TMPO: variants seen among roughly 807,000 people sequenced by gnomAD.
TMPO encodes thymopoietin, also known as LEM domain containing 4.
TMPO carries 22 observed loss-of-function variants against 45.4 expected under a neutral mutation model. The ratio of observed to expected loss-of-function variants is 0.48; its 90% confidence interval spans 0.35 to 0.69. The LOEUF (loss-of-function observed/expected upper bound fraction) is 0.69. Among genes scored for constraint, TMPO ranks in the 30% least tolerant of loss-of-function variants. TMPO has a pLI of 0.01. For missense variants in TMPO, 512 were observed against 548.8 expected (o/e 0.93, Z 0.67); for synonymous variants, 241 against 204.1 (o/e 1.18, Z -1.54).
At chr12:98,541,252 T>G (rs1021944793) in intron 4 of TMPO, among the ~76,000 whole-genome samples, 7 of 152,216 alleles carry the variant, frequency 4.6e-5, no homozygotes, top group African/African-American at 1.7e-4. Context: ...ATAATACTAT[T>G]TGGAAGCAAC....
At chr12:98,545,229 G>T (rs1477358750) in intron 7 of TMPO, among the ~76,000 whole-genome samples, 168 bp downstream of exon 7, 1 of 146,834 alleles carries the variant, frequency 6.8e-6, no homozygotes, top group South Asian at 2.2e-4. Flanking sequence ...TTTTATTAGT[G>T]AAAACAGAAA....
intron 4 of TMPO, among the ~76,000 whole-genome samples, chr12:98,540,986 C>G (rs993497933): frequency 6.6e-6 from 1 of 151,980 alleles, no homozygotes; most frequent in Non-Finnish European, 1.5e-5. Context: ...TTGCCTAGGT[C>G]TATTATTTTG....
intron 1 of TMPO, among the ~76,000 whole-genome samples, chr12:98,525,682 A>T (rs748173591): frequency 6.6e-6 from 1 of 151,186 alleles, no homozygotes; most frequent in African/African-American, 2.4e-5. Flanking sequence ...CAGAGGTTGC[A>T]GTGAGCCAAG....
In TMPO at chr12:98,547,565, C is replaced by T. The variant is rs1189322865; in HGVS notation, c.1080-8C>T. The T allele has an allele frequency of 5.0e-6, 8 of 1,613,952 alleles. No individual in the cohort carries two copies. Among genetic ancestry groups the T allele is most frequent in the Non-Finnish European group, 5.1e-6 (6 of 1,179,984 alleles). On this transcript the variant is annotated splice_region_variant and splice_polypyrimidine_tract_variant and intron_variant, in intron 8 of 8. Transcript: ENST00000556029. ...TTATTTTTCTTTTCCTCCTTTCACT[C>T]CCAACAGTGCTAGTTGCCGCAGACC...
intron 2 of TMPO, among the ~76,000 whole-genome samples, chr12:98,531,140 A>C (rs912551971): frequency 6.7e-6 from 1 of 150,280 alleles, no homozygotes; most frequent in Admixed American, 6.6e-5. Flanking sequence ...GGGTTTCACC[A>C]TGTTGGTCAG....
intron 4 of TMPO, among the ~76,000 whole-genome samples, chr12:98,538,920 G>A (rs1251306120): frequency 6.6e-6 from 1 of 152,080 alleles, no homozygotes; most frequent in African/African-American, 2.4e-5. Flanking sequence ...AAGGAAATAG[G>A]CCGGGCGCGG....
intron 4 of TMPO, 51 bp downstream of exon 4, chr12:98,537,623 A>G (rs766928780): frequency 7.4e-7 from 1 of 1,348,454 alleles, no homozygotes; most frequent in South Asian, 1.2e-5. Flanking sequence ...ACCTCCTGAC[A>G]ACACTAATCC....
chr12:98,546,120 A>G (rs1432576427), intron 7 of TMPO, among the ~76,000 whole-genome samples: 1 of 152,156 alleles, frequency 6.6e-6, no homozygotes, highest in East Asian at 1.9e-4. Flanking sequence ...CCCCCCAGTT[A>G]TTTAAATGTG....
At chr12:98,534,890 CA>C (rs1877477512) in intron 3 of TMPO, 2 of 983,708 alleles carry the variant, frequency 2.0e-6, no homozygotes, top group Non-Finnish European at 2.4e-6. Flanking sequence ...CAATGCAACT[CA>C]AAGCACCAGT....
chr12:98,529,921 T>C (rs532081856), intron 2 of TMPO, among the ~76,000 whole-genome samples: 23 of 152,336 alleles, frequency 1.5e-4, no homozygotes, highest in African/African-American at 5.1e-4. Context: ...GCTATAGGTA[T>C]AGTTGCAAAT....
intron 2 of TMPO, among the ~76,000 whole-genome samples, chr12:98,530,401 A>G (rs1291166345): frequency 1.3e-5 from 2 of 152,294 alleles, no homozygotes; most frequent in African/African-American, 2.4e-5. Flanking sequence ...ATCAGCCTAC[A>G]TTAAATTATA....
intron 3 of TMPO, chr12:98,533,107 C>T: frequency 6.2e-7 from 1 of 1,614,140 alleles, no homozygotes; most frequent in Non-Finnish European, 8.5e-7. Context: ...CAAGTCTAGC[C>T]ATGATAGGTG....
rs376376996 is a variant in TMPO, at chr12:98,546,334, T to G, written c.991-25T>G. ...TTTACACTAAATTTTAACTTGTGGTTGTTTGTTTGTCTGTTTCTTATTAGG... is the reference window on the plus strand; with the variant it reads ...TTTACACTAAATTTTAACTTGTGGTGGTTTGTTTGTCTGTTTCTTATTAGG... On this transcript the variant is annotated intron_variant, in intron 7 of 8. Transcript: ENST00000556029. 369 of 1,486,258 alleles carry G rather than the reference T, an allele frequency of 2.5e-4. No individual in the cohort carries two copies. Among genetic ancestry groups the G allele is most frequent in the Non-Finnish European group, 3.4e-4 (357 of 1,064,392 alleles). 92.1% of individuals were successfully genotyped at this position (1,486,258 alleles called of 1,614,324 possible). A position where few individuals can be genotyped will look rare whatever the true frequency, so the allele number is the denominator to read the frequency against.
chr12:98,546,292 GT>G (rs1194174084), intron 7 of TMPO, 66 bp from the exon 8 acceptor site: 1 of 1,045,364 alleles, frequency 9.6e-7, no homozygotes, highest in Non-Finnish European at 1.5e-6. Flanking sequence ...TACTATTTAT[GT>G]TTTAATTATT....
chr12:98,538,603 T>C (rs185433911), intron 4 of TMPO, among the ~76,000 whole-genome samples: 5 of 152,216 alleles, frequency 3.3e-5, no homozygotes, highest in Admixed American at 2.0e-4. Flanking sequence ...TCCACCTGCA[T>C]TGGCCTCCGA....
At chr12:98,547,535 T>C in intron 8 of TMPO, 38 bp from the exon 9 acceptor site, 1 of 1,613,156 alleles carries the variant, frequency 6.2e-7, no homozygotes, top group East Asian at 2.2e-5. Flanking sequence ...TGCCTTTATC[T>C]AAAATTATTT....
Position 98,531,784 on chromosome 12 carries a change from A to G in TMPO, c.511A>G (p.Asn171Asp). ...GCCAACAATTTCTTCTTCAGCAGAA[A>G]ATACAAGGCAGAATGGAAGTAATGA... is the stretch of plus-strand genomic sequence containing the variant. ...PLPTISSSAE[N>D]TRQNGSNDSD... is the part of the protein sequence containing the mutation. Residue 171 changes from asparagine to aspartate, a missense_variant, in exon 3 of 9, where the codon AAT becomes GAT. By Grantham distance (23) the Asn-to-Asp change is conservative (BLOSUM62 1). Coordinates refer to ENST00000556029, the MANE Select transcript of TMPO (RefSeq NM_001032283.3). 6.2e-7 allele frequency: 1 copy of G among 1,613,994 alleles called. No homozygotes were observed. Among genetic ancestry groups the G allele is most frequent in the Non-Finnish European group, 8.5e-7 (1 of 1,179,942 alleles).
At chr12:98,517,591 A>G (rs1461180464) in intron 1 of TMPO, among the ~76,000 whole-genome samples, 2 of 152,246 alleles carry the variant, frequency 1.3e-5, no homozygotes, top group African/African-American at 2.4e-5. Flanking sequence ...GACAAATGTA[A>G]TAGACACATG....
intron 7 of TMPO, 48 bp downstream of exon 7, chr12:98,545,109 G>T: frequency 1.7e-6 from 2 of 1,205,490 alleles, no homozygotes; most frequent in Non-Finnish European, 2.4e-6. Flanking sequence ...CTTTCAAAGA[G>T]GAAATATAAA....
Sources: allele counts gnomAD v4.1 joint callset (sites outside exome capture counted in the v4.1 genomes callset), GRCh38; gene constraint gnomAD v4.1.1; transcripts MANE v1.5; gene names NCBI Gene and HGNC (gene_info 2026-07-23, HGNC 2026-07-21).